UBE2D4: variants seen among roughly 807,000 people sequenced by gnomAD.
UBE2D4 encodes the protein ubiquitin conjugating enzyme E2 D4.
Under a neutral mutation model 23.0 loss-of-function variants are expected in UBE2D4, and 17 were observed. That is an observed-to-expected ratio of 0.74 (90% CI 0.51 to 1.11). The LOEUF is 1.11. Among genes scored for constraint, UBE2D4 ranks in the 50% least tolerant of loss-of-function variants. The probability of loss-of-function intolerance (pLI) is 0.00; values close to 1 mark genes in which losing one functional copy is unlikely to be tolerated. For missense variants in UBE2D4, 139 were observed against 181.8 expected, an observed-to-expected ratio of 0.76 and a Z score of 1.35; for synonymous variants, 61 against 69.4, an observed-to-expected ratio of 0.88 and a Z score of 0.60.
rs1376238665 is a variant in UBE2D4, at chr7:43,926,438, G to A, written c.-95G>A. 6.1e-6 allele frequency: 7 copies of A among 1,149,378 alleles called. No homozygotes were observed. Among genetic ancestry groups the A allele is most frequent in the Non-Finnish European group, 7.8e-6 (7 of 894,976 alleles). The allele number at this position is 1,149,378 out of a possible 1,614,324, so 71.2% of individuals were successfully genotyped here. A position where few individuals can be genotyped will look rare whatever the true frequency, so the allele number is the denominator to read the frequency against. ...CCCCGCGCGCGCAAGCGCAGGCTGCGGCTCCCGGCGTGCAGCTTGGTGGCG... is the reference window on the plus strand; with the variant it reads ...CCCCGCGCGCGCAAGCGCAGGCTGCAGCTCCCGGCGTGCAGCTTGGTGGCG... On this transcript the variant is annotated 5_prime_UTR_variant, in exon 1 of 7. Transcript: ENST00000222402.
intron 1 of UBE2D4, among the ~76,000 whole-genome samples, chr7:43,926,927 G>A (rs186049106): frequency 1.3e-5 from 2 of 152,358 alleles, no homozygotes; most frequent in Admixed American, 6.5e-5. Context: ...AACTCGGCAG[G>A]TGGGGAAAAG....
chr7:43,937,621 C>T (rs1237448853), intron 1 of UBE2D4, among the ~76,000 whole-genome samples: 1 of 152,158 alleles, frequency 6.6e-6, no homozygotes, highest in African/African-American at 2.4e-5. Flanking sequence ...CATTTGCTGG[C>T]TTCTGTGATG....
intron 5 of UBE2D4, chr7:43,949,228 TA>T (rs1021938035): frequency 5.8e-6 from 1 of 172,548 alleles, no homozygotes; most frequent in African/African-American, 2.4e-5. Flanking sequence ...GAAACCAGTC[TA>T]AACTGAGCTT....
At chr7:43,940,131 G>A (rs886176450) in intron 2 of UBE2D4, among the ~76,000 whole-genome samples, 7 of 152,210 alleles carry the variant, frequency 4.6e-5, no homozygotes, top group African/African-American at 9.7e-5. Context: ...AGGAGCCAGC[G>A]GTAGGCAGAT....
chr7:43,942,785 TG>T (rs1363757896), intron 2 of UBE2D4, 40 bp from the exon 3 acceptor site: 3 of 1,613,994 alleles, frequency 1.9e-6, no homozygotes, highest in East Asian at 2.2e-5. Context: ...ACATGTTTCT[TG>T]GGGGGTCTCT....
At position 43,952,889 on chromosome 7, in the gene UBE2D4, C is replaced by A; in HGVS notation, c.*194C>A. On this transcript the variant is annotated 3_prime_UTR_variant, in exon 7 of 7. Transcript: ENST00000222402. The stretch of plus-strand genomic sequence containing the variant: ...AATTACGGCTTTGACAGTGCCACCT[C>A]TTTGATGCCAAATCAGCAACCATTG... 1.8e-6 allele frequency: 1 copy of A among 547,238 alleles called. No homozygotes were observed. The highest frequency in any genetic ancestry group is 3.3e-5 in the East Asian group (1 of 30,754). The allele number at this position is 547,238 out of a possible 1,614,324, so 33.9% of individuals were successfully genotyped here. A position where few individuals can be genotyped will look rare whatever the true frequency, so the allele number is the denominator to read the frequency against.
rs930951616 is a variant in UBE2D4 at position 43,954,029 on chromosome 7, G to A, written c.*1334G>A. ...CAGCCAAAGGTGGCTGTGGGAGGTT[G>A]ATTTCTTCCAGAAACTTCCAAGTTG... On this transcript the variant is annotated 3_prime_UTR_variant, in exon 7 of 7. Transcript: ENST00000222402. 6.6e-6 allele frequency: 1 copy of A among 152,186 alleles called. No homozygotes were observed. The highest frequency in any genetic ancestry group is 1.5e-5 in the Non-Finnish European group (1 of 68,020). The allele number at this position is 152,186 out of a possible 1,614,324, so 9.4% of individuals were successfully genotyped here. A position where few individuals can be genotyped will look rare whatever the true frequency, so the allele number is the denominator to read the frequency against.
At chr7:43,942,506 A>G (rs2095975326) in intron 2 of UBE2D4, 2 of 510,220 alleles carry the variant, frequency 3.9e-6, no homozygotes, top group African/African-American at 3.8e-5. Context: ...GTTGCCATAC[A>G]GCAATGCCAG....
chr7:43,954,052 T>C lies in UBE2D4; in HGVS notation c.*1357T>C, dbSNP rs1001251426. On this transcript the variant is annotated 3_prime_UTR_variant, in exon 7 of 7. Transcript: ENST00000222402. ...TTGATTTCTTCCAGAAACTTCCAAG[T>C]TGTGGCTACAAATTTATTGCCAGAT... The C allele has an allele frequency of 6.6e-6, 1 of 152,182 alleles. No individual in the cohort carries two copies. The highest frequency in any genetic ancestry group is 1.5e-5 in the Non-Finnish European group (1 of 68,022). The allele number at this position is 152,182 out of a possible 1,614,324, so 9.4% of individuals were successfully genotyped here. A position where few individuals can be genotyped will look rare whatever the true frequency, so the allele number is the denominator to read the frequency against.
chr7:43,939,999 T>C (rs2095967634), intron 2 of UBE2D4, among the ~76,000 whole-genome samples: 1 of 152,244 alleles, frequency 6.6e-6, no homozygotes, highest in Admixed American at 6.5e-5. Context: ...TTAAAGTTGT[T>C]TAAATTGCAT....
intron 2 of UBE2D4, 117 bp downstream of exon 2, chr7:43,938,611 G>A: frequency 1.0e-6 from 1 of 957,742 alleles, no homozygotes; most frequent in Non-Finnish European, 1.6e-6. Context: ...CAAGGTGGGT[G>A]GATCACCTGA....
intron 5 of UBE2D4, chr7:43,949,013 TA>T (rs1291724257): frequency 6.8e-6 from 3 of 441,240 alleles, no homozygotes; most frequent in Non-Finnish European, 1.2e-5. Context: ...ATTCTACTTA[TA>T]TTTTTTTATC....
intron 1 of UBE2D4, among the ~76,000 whole-genome samples, chr7:43,931,122 A>G (rs77186468): frequency 6.8e-6 from 1 of 147,162 alleles, no homozygotes; most frequent in African/African-American, 2.5e-5. Flanking sequence ...CTCTGTCTCA[A>G]AAAAAAAAAA....
chr7:43,927,989 G>T (rs1262052676), intron 1 of UBE2D4: 1 of 448,318 alleles, frequency 2.2e-6, no homozygotes, highest in African/African-American at 2.0e-5. Context: ...AAGAAAAGAG[G>T]TTTATTTGGC....
intron 5 of UBE2D4, 31 bp from the exon 6 acceptor site, chr7:43,950,568 A>G (rs2095999937): frequency 6.3e-7 from 1 of 1,590,646 alleles, no homozygotes; most frequent in Non-Finnish European, 8.6e-7. Context: ...CTTCGTGGCT[A>G]CAGCTGACCA....
At chr7:43,942,902 C>G in intron 3 of UBE2D4, 45 bp downstream of exon 3, 1 of 1,614,108 alleles carries the variant, frequency 6.2e-7, no homozygotes, top group Non-Finnish European at 8.5e-7. Context: ...TTGCTTCTTG[C>G]ACTTTGGGCT....
intron 1 of UBE2D4, 78 bp from the exon 2 acceptor site, chr7:43,938,353 C>T: frequency 3.5e-6 from 5 of 1,447,550 alleles, no homozygotes; most frequent in Non-Finnish European, 4.9e-6. Flanking sequence ...AGGAGAATTC[C>T]TTCCAGCTAC....
chr7:43,939,352 C>G (rs77584995), intron 2 of UBE2D4, among the ~76,000 whole-genome samples: 138 of 152,386 alleles, frequency 9.1e-4, no homozygotes, highest in African/African-American at 3.1e-3. Flanking sequence ...AGCAGCACTG[C>G]CTGTTCCAGG....
intron 2 of UBE2D4, 86 bp from the exon 3 acceptor site, chr7:43,942,740 G>A (rs572790598): frequency 4.3e-5 from 68 of 1,579,334 alleles, no homozygotes; most frequent in Non-Finnish European, 5.5e-5. Context: ...TGTAGACAGT[G>A]CGCTGTAATT....
Sources: gnomAD v4.1 joint callset for allele counts (sites outside exome capture counted in the v4.1 genomes callset) on GRCh38, gnomAD v4.1.1 for gene constraint, MANE v1.5 for transcripts, NCBI Gene and HGNC (gene_info 2026-07-23, HGNC 2026-07-21) for gene names.